The following COL14A1 variants were observed in gnomAD, a reference collection of about 807,000 sequenced individuals.
COL14A1 encodes collagen alpha-1(XIV) chain.
Under a neutral mutation model 230.3 loss-of-function variants are expected in COL14A1, and 136 were observed. The ratio of observed to expected loss-of-function variants is 0.59; its 90% CI spans 0.51 to 0.68. COL14A1 has a LOEUF of 0.68. Ranked by LOEUF, COL14A1 falls within the 30% of genes least tolerant of loss-of-function variation. The probability of loss-of-function intolerance (pLI) is 0.00; values close to 1 mark genes in which losing one functional copy is unlikely to be tolerated. For synonymous variants in COL14A1, 792 were observed against 784.1 expected, an observed-to-expected ratio of 1.01 and a Z score of -0.17; for missense variants, 1,976 against 2,215.8, an observed-to-expected ratio of 0.89 and a Z score of 2.17.
intron 25 of COL14A1, among the ~76,000 whole-genome samples, chr8:120,267,681 A>G (rs1466557007): frequency 6.6e-6 from 1 of 151,908 alleles, no homozygotes; most frequent in Admixed American, 6.6e-5. Flanking sequence ...TGCTTAATGG[A>G]TTTAGTGAAC....
chr8:120,255,193 G>T, intron 22 of COL14A1, 47 bp from the exon 23 acceptor site: 1 of 1,432,250 alleles, frequency 7.0e-7, no homozygotes, highest in Non-Finnish European at 9.9e-7. Context: ...AGGGATGCTT[G>T]TGTGTTGTCT....
At chr8:120,349,476 T>A (rs1822665225) in intron 45 of COL14A1, among the ~76,000 whole-genome samples, 1 of 124,276 alleles carries the variant, frequency 8.0e-6, no homozygotes, top group East Asian at 2.2e-4. Context: ...GCAAAGAAGT[T>A]GAAAACTTTG....
At chr8:120,340,071 GTA>G (rs978839820) in intron 42 of COL14A1, among the ~76,000 whole-genome samples, 5 of 146,240 alleles carry the variant, frequency 3.4e-5, no homozygotes, top group Admixed American at 2.7e-4. Flanking sequence ...GTGTGGGTGT[GTA>G]TGTGTGTGTA....
intron 5 of COL14A1, among the ~76,000 whole-genome samples, chr8:120,182,167 T>G (rs1206083022): frequency 6.6e-6 from 1 of 152,252 alleles, no homozygotes; most frequent in Non-Finnish European, 1.5e-5. Flanking sequence ...TAACTCTGTC[T>G]GAAATAAGTT....
At chr8:120,155,255 A>G (rs537202396) in intron 2 of COL14A1, among the ~76,000 whole-genome samples, 1 of 152,266 alleles carries the variant, frequency 6.6e-6, no homozygotes, top group South Asian at 2.1e-4. Context: ...TAGAGTATTG[A>G]TGGATTTGGT....
intron 45 of COL14A1, among the ~76,000 whole-genome samples, chr8:120,351,009 T>C (rs1188770354): frequency 6.7e-6 from 1 of 150,128 alleles, no homozygotes; most frequent in East Asian, 2.0e-4. Context: ...TCAGCAAATG[T>C]AAAAGAACAG....
intron 5 of COL14A1, among the ~76,000 whole-genome samples, chr8:120,170,683 G>A (rs925343761): frequency 1.3e-5 from 2 of 151,936 alleles, no homozygotes; most frequent in Admixed American, 1.3e-4. Context: ...CTAAAGGCTA[G>A]ATACATAAAA....
At chr8:120,291,532 C>G (rs1820375826) in intron 34 of COL14A1, among the ~76,000 whole-genome samples, 1 of 137,064 alleles carries the variant, frequency 7.3e-6, no homozygotes. Context: ...TGCACTTTAG[C>G]CTGGGTGACA....
At chr8:120,180,803 G>A (rs983846529) in intron 5 of COL14A1, among the ~76,000 whole-genome samples, 2 of 146,422 alleles carry the variant, frequency 1.4e-5, no homozygotes, top group Non-Finnish European at 3.0e-5. Context: ...CACCTCCTGA[G>A]TTCAACAGAT....
chr8:120,233,366 G>T (rs1344910729), intron 19 of COL14A1, among the ~76,000 whole-genome samples: 2 of 152,132 alleles, frequency 1.3e-5, no homozygotes, highest in African/African-American at 4.8e-5. Context: ...GAATGGTATT[G>T]CCTAGGTTTT....
At chr8:120,215,402 A>G (rs990984066) in intron 13 of COL14A1, among the ~76,000 whole-genome samples, 2 of 151,860 alleles carry the variant, frequency 1.3e-5, no homozygotes, top group African/African-American at 4.8e-5. Flanking sequence ...GAAGGAAGGA[A>G]GGAAGGAAGG....
At chr8:120,286,038 A>G (rs895259551) in intron 33 of COL14A1, 68 bp downstream of exon 33, 3 of 903,064 alleles carry the variant, frequency 3.3e-6, no homozygotes, top group Non-Finnish European at 5.4e-6. Flanking sequence ...TTTAAAAACA[A>G]TTCCATAGGG....
chr8:120,231,622 T>A lies in COL14A1; in HGVS notation c.2349+4T>A. The A allele has an allele frequency of 6.2e-7, 1 of 1,611,890 alleles. No individual in the cohort carries two copies. ...TGAGGAAGAAGTCATAGGAACGGTCTGTATAAATTCAACTGACTAGAAACT... is the reference window on the plus strand; with the variant it reads ...TGAGGAAGAAGTCATAGGAACGGTCAGTATAAATTCAACTGACTAGAAACT... On this transcript the variant is annotated splice_donor_region_variant and intron_variant, in intron 19 of 47. Transcript: ENST00000297848.
intron 40 of COL14A1, among the ~76,000 whole-genome samples, chr8:120,326,192 GCCATGGACCCAA>G (rs750602534): frequency 6.6e-6 from 1 of 152,148 alleles, no homozygotes; most frequent in Admixed American, 6.6e-5. Context: ...GGAGACTCAT[GCCATGGACCCAA>G]CCATTCTGAT....
At chr8:120,252,471 A>G (rs936627614) in intron 22 of COL14A1, among the ~76,000 whole-genome samples, 1 of 152,238 alleles carries the variant, frequency 6.6e-6, no homozygotes, top group African/African-American at 2.4e-5. Context: ...ATGCTAGTCT[A>G]GATAGTCCTG....
At chr8:120,208,110 A>T in intron 10 of COL14A1, 122 bp from the exon 11 acceptor site, 1 of 927,922 alleles carries the variant, frequency 1.1e-6, no homozygotes, top group African/African-American at 1.7e-5. Flanking sequence ...GGAAAGGGGG[A>T]TGTGGCACAA....
intron 5 of COL14A1, among the ~76,000 whole-genome samples, chr8:120,168,574 C>T (rs1375620983): frequency 6.6e-6 from 1 of 152,160 alleles, no homozygotes; most frequent in African/African-American, 2.4e-5. Context: ...TGCATGGGCT[C>T]TCCCACTTGC....
intron 26 of COL14A1, among the ~76,000 whole-genome samples, chr8:120,275,157 T>C (rs1819798741): frequency 6.6e-6 from 1 of 151,808 alleles, no homozygotes. Context: ...CATAAACTAA[T>C]GGAACAGAAG....
intron 26 of COL14A1, 143 bp from the exon 27 acceptor site, chr8:120,277,968 C>A: frequency 1.4e-6 from 1 of 730,220 alleles, no homozygotes; most frequent in Non-Finnish European, 2.1e-6. Context: ...TGGTATGTAA[C>A]TTGTATGAAA....
Sources: allele counts gnomAD v4.1 joint callset (sites outside exome capture counted in the v4.1 genomes callset), GRCh38; gene constraint gnomAD v4.1.1; transcripts MANE v1.5; gene names NCBI Gene and HGNC (gene_info 2026-07-23, HGNC 2026-07-21).